C9orf72: variants seen among roughly 807,000 people sequenced by gnomAD.
C9orf72 encodes C9orf72-SMCR8 complex subunit, also known as guanine nucleotide exchange factor C9orf72.
Under a neutral mutation model 51.6 loss-of-function variants are expected in C9orf72, and 44 were observed. The ratio of observed to expected loss-of-function variants is 0.85; its 90% confidence interval spans 0.67 to 1.10. The LOEUF (loss-of-function observed/expected upper bound fraction) is 1.10, where lower values mean the gene tolerates loss of function less well. Ranked by LOEUF, C9orf72 falls within the 50% of genes least tolerant of loss-of-function variation. The probability of loss-of-function intolerance (pLI) is 0.00; values close to 1 mark genes in which losing one functional copy is unlikely to be tolerated. For missense variants in C9orf72, 607 were observed against 570.6 expected (o/e 1.06, Z -0.65); for synonymous variants, 213 against 194.2 (o/e 1.10, Z -0.81).
At chr9:27,565,672 T>A in intron 2 of C9orf72, 82 bp from the exon 3 acceptor site, 2 of 865,448 alleles carry the variant, frequency 2.3e-6, no homozygotes, top group Non-Finnish European at 1.9e-6. Flanking sequence ...TGTTCTTGTG[T>A]AGTAATTTAG....
rs957062838 is a variant in C9orf72 at position 27,546,559 on chromosome 9, T to C, written c.*1677A>G. The C allele has an allele frequency of 2.6e-5, 4 of 152,186 alleles. No individual in the cohort carries two copies. Among genetic ancestry groups the C allele is most frequent in the South Asian group, 2.1e-4 (1 of 4,832 alleles). 9.4% of individuals were successfully genotyped at this position (152,186 alleles called of 1,614,324 possible). The stretch of plus-strand genomic sequence containing the variant: ...ACTGAAAGAGGCAAAATTTCAAATA[T>C]ATTTTATTCAAAATTCTCCATTTAG... On this transcript the variant is annotated 3_prime_UTR_variant, in exon 11 of 11. Transcript: ENST00000380003.
intron 8 of C9orf72, among the ~76,000 whole-genome samples, chr9:27,555,545 C>A (rs1307774562): frequency 1.4e-5 from 2 of 146,404 alleles, no homozygotes; most frequent in African/African-American, 2.5e-5. Flanking sequence ...ATGTGCCAGG[C>A]ATTATTGCAA....
intron 9 of C9orf72, among the ~76,000 whole-genome samples, chr9:27,549,527 AC>A (rs1385623842): frequency 6.6e-6 from 1 of 152,136 alleles, no homozygotes; most frequent in Non-Finnish European, 1.5e-5. Context: ...TTTCTAGTAA[AC>A]ATAAGGATCT....
In C9orf72 at chr9:27,548,198, T is replaced by C; in HGVS notation, c.*38A>G. 1 of 1,512,824 alleles carries C rather than the reference T, an allele frequency of 6.6e-7. No individual in the cohort carries two copies. Among genetic ancestry groups the C allele is most frequent in the Non-Finnish European group, 9.0e-7 (1 of 1,105,602 alleles). The allele number at this position is 1,512,824 out of a possible 1,614,324, so 93.7% of individuals were successfully genotyped here. ...CACCACTGAGCTACTTTACCAGCGA[T>C]CATGATTGTGATGGAATAGGCTTAT... is the stretch of plus-strand genomic sequence containing the variant. On this transcript the variant is annotated 3_prime_UTR_variant, in exon 11 of 11. Coordinates refer to ENST00000380003, the MANE Select transcript of C9orf72 (RefSeq NM_018325.5).
intron 9 of C9orf72, 149 bp from the exon 10 acceptor site, chr9:27,548,815 G>A (rs1023828445): frequency 1.8e-6 from 1 of 551,918 alleles, no homozygotes; most frequent in Non-Finnish European, 3.3e-6. Context: ...CAGGAGTGTG[G>A]TATAGAAGCA....
At chr9:27,552,944 C>A (rs1474309316) in intron 8 of C9orf72, among the ~76,000 whole-genome samples, 2 of 152,026 alleles carry the variant, frequency 1.3e-5, no homozygotes, top group Non-Finnish European at 2.9e-5. Context: ...TCTGTTGTGT[C>A]TCTGCCAGGT....
At chr9:27,562,912 C>T (rs373606433) in intron 3 of C9orf72, among the ~76,000 whole-genome samples, 8 of 151,774 alleles carry the variant, frequency 5.3e-5, no homozygotes, top group African/African-American at 1.5e-4. Context: ...CATGCCCGGC[C>T]CTAAAGCTCA....
chr9:27,567,087 C>T lies in C9orf72; in HGVS notation c.34G>A (p.Val12Ile). 7 of 1,613,784 alleles carry T rather than the reference C, an allele frequency of 4.3e-6. No homozygotes were observed. The highest frequency in any genetic ancestry group is 5.1e-6 in the Non-Finnish European group (6 of 1,179,752). The change falls in exon 2 of 11, where the codon GTT becomes ATT. Residue 12 changes from valine (V) to isoleucine (I), a missense_variant. By Grantham distance (29) the Val-to-Ile change is conservative. Coordinates refer to ENST00000380003, the MANE Select transcript of C9orf72 (RefSeq NM_018325.5). ...CTTAAAGCAATCTCTGTCTTGGCAA[C>T]AGCTGGAGATGGCGGTGGGCAAAGA... The part of the protein sequence containing the change: ...STLCPPPSPA[V>I]AKTEIALSGK...
At chr9:27,548,519 G>A in intron 10 of C9orf72, 38 bp downstream of exon 10, 1 of 1,445,226 alleles carries the variant, frequency 6.9e-7, no homozygotes, top group East Asian at 2.4e-5. Context: ...AAAAAACAAT[G>A]TACAAAGGTT....
In C9orf72 at chr9:27,546,573, T is replaced by C. The variant is rs989914262; in HGVS notation, c.*1663A>G. The stretch of plus-strand genomic sequence containing the variant: ...AATTTCAAATATATTTTATTCAAAA[T>C]TCTCCATTTAGGAGAAAAGATATAT... On this transcript the variant is annotated 3_prime_UTR_variant, in exon 11 of 11. Coordinates refer to ENST00000380003, the MANE Select transcript of C9orf72 (RefSeq NM_018325.5). 1 of 152,180 alleles carries C rather than the reference T, an allele frequency of 6.6e-6. No homozygotes were observed. Among genetic ancestry groups the C allele is most frequent in the African/African-American group, 2.4e-5 (1 of 41,464 alleles). 9.4% of individuals were successfully genotyped at this position (152,180 alleles called of 1,614,324 possible). A position where few individuals can be genotyped will look rare whatever the true frequency, so the allele number is the denominator to read the frequency against.
At chr9:27,564,480 T>A (rs1215234952) in intron 3 of C9orf72, among the ~76,000 whole-genome samples, 1 of 152,136 alleles carries the variant, frequency 6.6e-6, no homozygotes, top group African/African-American at 2.4e-5. Flanking sequence ...GTTACCCCAT[T>A]CCTGGGGACC....
chr9:27,566,542 G>T, intron 2 of C9orf72, 135 bp downstream of exon 2: 1 of 634,372 alleles, frequency 1.6e-6, no homozygotes, highest in Non-Finnish European at 2.7e-6. Context: ...GTATCTAATA[G>T]GGTAAATGCA....
rs80172172 is a variant in C9orf72 at position 27,547,399 on chromosome 9, C to T, written c.*837G>A. Reference sequence around the variant, plus strand: ...AAATGACTGACCAGTGAAATCTGAACTTGTTCCAAGTAATTAGATTTTCTA... The same window carrying T: ...AAATGACTGACCAGTGAAATCTGAATTTGTTCCAAGTAATTAGATTTTCTA... On this transcript the variant is annotated 3_prime_UTR_variant, in exon 11 of 11. Coordinates refer to ENST00000380003, the MANE Select transcript of C9orf72 (RefSeq NM_018325.5). The T allele has an allele frequency of 3.0e-3, 464 of 152,726 alleles. 4 individuals carry two copies. The highest frequency in any genetic ancestry group is 0.011 in the African/African-American group (451 of 41,572). 9.5% of individuals were successfully genotyped at this position (152,726 alleles called of 1,614,324 possible).
intron 3 of C9orf72, among the ~76,000 whole-genome samples, chr9:27,564,416 G>A (rs1453017876): frequency 6.6e-6 from 1 of 152,104 alleles, no homozygotes; most frequent in Middle Eastern, 3.2e-3. Context: ...CTCAACTTGC[G>A]ATAAGTTTAC....
At chr9:27,556,838 C>T (rs367695819) in intron 7 of C9orf72, 42 bp from the exon 8 acceptor site, 83 of 1,243,068 alleles carry the variant, frequency 6.7e-5, no homozygotes, top group Non-Finnish European at 8.0e-5. Context: ...ACATGCCAAA[C>T]GATATGAATA....
At chr9:27,565,302 G>A (rs10967986) in intron 3 of C9orf72, among the ~76,000 whole-genome samples, 74,631 of 151,110 alleles carry the variant, frequency 0.49, 19,426 homozygotes, top group East Asian at 0.79. Flanking sequence ...GAAAAAAAAA[G>A]GGAGCAAATA....
intron 9 of C9orf72, among the ~76,000 whole-genome samples, chr9:27,549,495 C>A (rs80076185): frequency 0.011 from 1,698 of 152,178 alleles, 40 homozygotes; most frequent in African/African-American, 0.039. Context: ...ATGTCACAGA[C>A]CTCATAGATC....
intron 8 of C9orf72, among the ~76,000 whole-genome samples, chr9:27,553,959 T>C (rs1397785536): frequency 1.3e-5 from 2 of 152,046 alleles, no homozygotes; most frequent in East Asian, 1.9e-4. Flanking sequence ...ATATCACTAA[T>C]AGAGAATTGC....
Position 27,548,052 on chromosome 9 carries a change from C to T in C9orf72, c.*184G>A, listed in dbSNP as rs544252743. On this transcript the variant is annotated 3_prime_UTR_variant, in exon 11 of 11. Coordinates refer to ENST00000380003, the MANE Select transcript of C9orf72 (RefSeq NM_018325.5). Reference sequence around the variant, plus strand: ...AGCATAAATCTAGGAAAAGAGACACCCAATGTAATGATGCACCTGACATCC... The same window carrying T: ...AGCATAAATCTAGGAAAAGAGACACTCAATGTAATGATGCACCTGACATCC... The T allele has an allele frequency of 4.7e-6, 2 of 422,838 alleles. No individual in the cohort carries two copies. The highest frequency in any genetic ancestry group is 3.5e-5 in the East Asian group (1 of 28,496). 26.2% of individuals were successfully genotyped at this position (422,838 alleles called of 1,614,324 possible).
Sources: gnomAD v4.1 joint callset for allele counts (sites outside exome capture counted in the v4.1 genomes callset) on GRCh38, gnomAD v4.1.1 for gene constraint, MANE v1.5 for transcripts, NCBI Gene and HGNC (gene_info 2026-07-23, HGNC 2026-07-21) for gene names.